Variants in CSMD1 observed in about 807,000 individuals in gnomAD.
CSMD1 encodes CUB and sushi domain-containing protein 1.
Under a neutral mutation model 417.5 loss-of-function variants are expected in CSMD1, and 213 were observed. The ratio of observed to expected loss-of-function variants is 0.51; its 90% confidence interval spans 0.46 to 0.57. The LOEUF is 0.57. CSMD1 is among the 20% of genes least tolerant of loss of function. The pLI is 0.00. For synonymous variants in CSMD1, 2,862 were observed against 1,736.8 expected (o/e 1.65, Z -16.11); for missense variants, 6,923 against 4,529.7 (o/e 1.53, Z -15.17).
chr8:4,904,841 C>T (rs1805130368), intron 1 of CSMD1, among the ~76,000 whole-genome samples: 1 of 152,172 alleles, frequency 6.6e-6, no homozygotes, highest in African/African-American at 2.4e-5. Flanking sequence ...TCCCTATCAG[C>T]AATGATCTGT....
intron 66 of CSMD1, among the ~76,000 whole-genome samples, 178 bp downstream of exon 66, chr8:2,950,936 A>G (rs868391062): frequency 6.6e-6 from 1 of 152,150 alleles, no homozygotes; most frequent in African/African-American, 2.4e-5. Flanking sequence ...GTAATCTCTA[A>G]AATAAGAAAA....
chr8:3,548,655 A>C (rs931386237), intron 10 of CSMD1, among the ~76,000 whole-genome samples: 2 of 100,940 alleles, frequency 2.0e-5, no homozygotes, highest in Non-Finnish European at 4.2e-5. Context: ...GTGGTATTCC[A>C]TCATACACAC....
At chr8:4,598,686 G>C (rs1275760088) in intron 2 of CSMD1, among the ~76,000 whole-genome samples, 7 of 152,090 alleles carry the variant, frequency 4.6e-5, no homozygotes, top group Non-Finnish European at 1.0e-4. Flanking sequence ...ATTTACACTC[G>C]TTGACAATAA....
chr8:4,608,409 A>G (rs1165530516), intron 2 of CSMD1, among the ~76,000 whole-genome samples: 1 of 152,148 alleles, frequency 6.6e-6, no homozygotes, highest in African/African-American at 2.4e-5. Flanking sequence ...ATGCTTTCTC[A>G]ATCTATCTTG....
chr8:2,940,268 A>C (rs982401060), intron 69 of CSMD1, among the ~76,000 whole-genome samples: 1 of 152,164 alleles, frequency 6.6e-6, no homozygotes, highest in African/African-American at 2.4e-5. Context: ...AAATTCCACC[A>C]TCCCTCGCTC....
intron 5 of CSMD1, among the ~76,000 whole-genome samples, chr8:3,941,662 C>A (rs1810892133): frequency 6.6e-6 from 1 of 152,106 alleles, no homozygotes. Flanking sequence ...CAACTGCAAG[C>A]CCACGCAGAG....
intron 23 of CSMD1, among the ~76,000 whole-genome samples, chr8:3,322,493 GT>G (rs1455981739): frequency 1.3e-5 from 2 of 152,142 alleles, no homozygotes; most frequent in African/African-American, 4.8e-5. Context: ...TGCCTTAAGG[GT>G]TCTGGAAGTT....
At chr8:3,928,969 A>G (rs1809944641) in intron 5 of CSMD1, among the ~76,000 whole-genome samples, 1 of 150,572 alleles carries the variant, frequency 6.6e-6, no homozygotes, top group African/African-American at 2.5e-5. Context: ...TTTGTGTGCT[A>G]AAACAATTGG....
chr8:4,722,148 GAGA>G (rs1348780394), intron 1 of CSMD1, among the ~76,000 whole-genome samples: 1 of 152,054 alleles, frequency 6.6e-6, no homozygotes, highest in Non-Finnish European at 1.5e-5. Context: ...TTTACTAAGA[GAGA>G]AGATGTAAGA....
intron 28 of CSMD1, among the ~76,000 whole-genome samples, chr8:3,223,269 T>G (rs887404388): frequency 1.3e-5 from 2 of 152,174 alleles, no homozygotes; most frequent in African/African-American, 4.8e-5. Flanking sequence ...GCAACCACAT[T>G]TGGGGAAACT....
chr8:4,176,807 C>T (rs1422470936), intron 3 of CSMD1, among the ~76,000 whole-genome samples: 2 of 147,932 alleles, frequency 1.4e-5, no homozygotes, highest in East Asian at 3.9e-4. Context: ...AGACTTTAAA[C>T]CAACAACGAT....
intron 5 of CSMD1, among the ~76,000 whole-genome samples, chr8:3,995,052 T>C (rs1478336692): frequency 3.3e-5 from 5 of 152,164 alleles, no homozygotes; most frequent in Non-Finnish European, 5.9e-5. Context: ...AATTCGGGAA[T>C]GGGGAAACCT....
chr8:4,745,348 G>C (rs961427763), intron 1 of CSMD1, among the ~76,000 whole-genome samples: 3 of 152,092 alleles, frequency 2.0e-5, no homozygotes, highest in South Asian at 2.1e-4. Flanking sequence ...ATGCTATACA[G>C]TTTAGTTACA....
chr8:3,477,505 G>C (rs1817500282), intron 11 of CSMD1, among the ~76,000 whole-genome samples: 1 of 152,214 alleles, frequency 6.6e-6, no homozygotes, highest in Non-Finnish European at 1.5e-5. Flanking sequence ...ATAAGGATAA[G>C]TAAAGACAAG....
At chr8:3,232,470 T>A (rs1181647934) in intron 26 of CSMD1, among the ~76,000 whole-genome samples, 1 of 152,188 alleles carries the variant, frequency 6.6e-6, no homozygotes, top group Middle Eastern at 3.2e-3. Flanking sequence ...GAATGCACCA[T>A]GATTTTTCCA....
intron 10 of CSMD1, among the ~76,000 whole-genome samples, chr8:3,547,979 G>T (rs775185794): frequency 6.6e-6 from 1 of 151,974 alleles, no homozygotes; most frequent in Non-Finnish European, 1.5e-5. Context: ...TTTGGATATG[G>T]TAAAGAAAAA....
intron 17 of CSMD1, among the ~76,000 whole-genome samples, chr8:3,395,515 T>C (rs1345937000): frequency 6.6e-6 from 1 of 152,242 alleles, no homozygotes; most frequent in African/African-American, 2.4e-5. Context: ...TTTCAGAAGC[T>C]AAAACTTTGA....
intron 25 of CSMD1, among the ~76,000 whole-genome samples, chr8:3,297,025 A>G (rs1341389144): frequency 2.6e-5 from 4 of 152,210 alleles, no homozygotes; most frequent in African/African-American, 9.6e-5. Flanking sequence ...TCTTAGGTGG[A>G]GAATAGAAGA....
intron 5 of CSMD1, among the ~76,000 whole-genome samples, chr8:3,781,394 T>C (rs1191731924): frequency 6.6e-6 from 1 of 152,152 alleles, no homozygotes; most frequent in Non-Finnish European, 1.5e-5. Flanking sequence ...AATGCAAGCT[T>C]GTGCTGTGAG....
Sources: gnomAD v4.1 joint callset for allele counts (sites outside exome capture counted in the v4.1 genomes callset) on GRCh38, gnomAD v4.1.1 for gene constraint, MANE v1.5 for transcripts, NCBI Gene and HGNC (gene_info 2026-07-23, HGNC 2026-07-21) for gene names.